Variants in RARB observed in about 807,000 individuals in gnomAD.
RARB encodes retinoic acid receptor beta.
A neutral mutation model predicts 51.9 loss-of-function variants in RARB; 17 were observed. The ratio of observed to expected loss-of-function variants is 0.33; its 90% CI spans 0.22 to 0.49. RARB has a LOEUF of 0.49. Among genes scored for constraint, RARB ranks in the 20% least tolerant of loss-of-function variants. The pLI, the probability that RARB is intolerant of heterozygous loss-of-function variation, is 0.99. For missense variants in RARB, 369 were observed against 550.8 expected (o/e 0.67, Z 3.30); for synonymous variants, 215 against 195.4 (o/e 1.10, Z -0.84).
At chr3:25,287,532 G>T (rs571981783) in intron 5 of RARB, among the ~76,000 whole-genome samples, 1 of 152,226 alleles carries the variant, frequency 6.6e-6, no homozygotes, top group East Asian at 1.9e-4. Context: ...ATCCTATCCT[G>T]GTCCACACAC....
intron 5 of RARB, among the ~76,000 whole-genome samples, chr3:25,262,663 T>G (rs942877957): frequency 6.6e-6 from 1 of 152,190 alleles, no homozygotes; most frequent in Admixed American, 6.6e-5. Flanking sequence ...CTTTCCTCTT[T>G]CACTTTTGAA....
At chr3:25,279,383 T>C (rs1199912631) in intron 5 of RARB, among the ~76,000 whole-genome samples, 1 of 152,190 alleles carries the variant, frequency 6.6e-6, no homozygotes, top group African/African-American at 2.4e-5. Flanking sequence ...TTAAGCATAA[T>C]GGGTGCTTAA....
chr3:25,292,964 G>A (rs28620746), intron 5 of RARB, among the ~76,000 whole-genome samples: 30 of 152,192 alleles, frequency 2.0e-4, no homozygotes, highest in South Asian at 4.2e-4. Context: ...TGTGTTCTCC[G>A]CGAGAGCCAA....
intron 5 of RARB, among the ~76,000 whole-genome samples, chr3:25,303,204 A>G (rs1704081426): frequency 6.6e-6 from 1 of 152,148 alleles, no homozygotes; most frequent in East Asian, 1.9e-4. Context: ...GGGAGGTATT[A>G]TTGTCTCCAT....
intron 1 of RARB, among the ~76,000 whole-genome samples, chr3:25,442,241 T>C (rs1708727439): frequency 6.6e-6 from 1 of 152,120 alleles, no homozygotes; most frequent in African/African-American, 2.4e-5. Context: ...GTTCAAGCCA[T>C]TCTCCTGCTT....
At chr3:25,037,518 A>G (rs1006193381) in intron 2 of RARB, among the ~76,000 whole-genome samples, 3 of 152,080 alleles carry the variant, frequency 2.0e-5, no homozygotes, top group Non-Finnish European at 4.4e-5. Context: ...ATTTTTAAGG[A>G]GGTGAATGGA....
intron 2 of RARB, among the ~76,000 whole-genome samples, chr3:24,988,602 G>C (rs1382728240): frequency 1.3e-5 from 2 of 151,956 alleles, no homozygotes; most frequent in Non-Finnish European, 2.9e-5. Context: ...AAAAAAAATA[G>C]TTTTGGTTCT....
At chr3:25,412,626 TAAAAC>T in intron 5 of RARB, among the ~76,000 whole-genome samples, 1 of 152,306 alleles carries the variant, frequency 6.6e-6, no homozygotes, top group South Asian at 2.1e-4. Context: ...TTTATTGAAA[TAAAAC>T]ATTTATAGAA....
intron 2 of RARB, among the ~76,000 whole-genome samples, chr3:24,863,313 C>T (rs182371640): frequency 6.6e-6 from 1 of 152,148 alleles, no homozygotes; most frequent in Non-Finnish European, 1.5e-5. Context: ...TGTTTATAAC[C>T]AGAGGAATTC....
At chr3:25,013,556 A>C (rs1559433686) in intron 2 of RARB, among the ~76,000 whole-genome samples, 1 of 152,058 alleles carries the variant, frequency 6.6e-6, no homozygotes, top group Non-Finnish European at 1.5e-5. Context: ...CTGACCTCTG[A>C]TTTGAACCCT....
At chr3:25,349,531 A>G (rs1365563834) in intron 5 of RARB, among the ~76,000 whole-genome samples, 1 of 152,198 alleles carries the variant, frequency 6.6e-6, no homozygotes, top group South Asian at 2.1e-4. Flanking sequence ...TGTCCTCCTA[A>G]TCCAGGCATC....
chr3:25,330,748 T>C (rs1704867175), intron 5 of RARB, among the ~76,000 whole-genome samples: 1 of 152,112 alleles, frequency 6.6e-6, no homozygotes, highest in Admixed American at 6.5e-5. Flanking sequence ...GACCCATCAG[T>C]GTGCTGTATT....
At chr3:24,889,121 C>A (rs1442381529) in intron 2 of RARB, among the ~76,000 whole-genome samples, 2 of 152,144 alleles carry the variant, frequency 1.3e-5, no homozygotes, top group Non-Finnish European at 1.5e-5. Context: ...ATGGATCCAG[C>A]CCACCAAATG....
chr3:25,252,937 A>C (rs1474999039), intron 5 of RARB, among the ~76,000 whole-genome samples: 4 of 152,096 alleles, frequency 2.6e-5, no homozygotes, highest in Non-Finnish European at 5.9e-5. Flanking sequence ...GTTGAGCCCA[A>C]CTGAGCAGAG....
chr3:25,593,165 C>CTT (rs200612408), intron 5 of RARB, among the ~76,000 whole-genome samples: 2,683 of 145,036 alleles, frequency 0.018, 36 homozygotes, highest in Middle Eastern at 0.046. Context: ...TCTTATTCAT[C>CTT]TTTTTTTTTT....
At chr3:25,051,591 C>T (rs1051491921) in intron 2 of RARB, among the ~76,000 whole-genome samples, 1 of 76,338 alleles carries the variant, frequency 1.3e-5, no homozygotes, top group African/African-American at 4.0e-5. Context: ...AAAAATAAGA[C>T]TACACATTCA....
intron 2 of RARB, among the ~76,000 whole-genome samples, chr3:25,466,512 A>AT (rs1695440211): frequency 1.3e-5 from 2 of 152,346 alleles, no homozygotes; most frequent in Admixed American, 6.5e-5. Context: ...TTGTTTTATC[A>AT]TTAAGTTATT....
chr3:25,394,946 T>C (rs1707076037), intron 5 of RARB, among the ~76,000 whole-genome samples: 1 of 152,208 alleles, frequency 6.6e-6, no homozygotes, highest in Non-Finnish European at 1.5e-5. Flanking sequence ...ATTGTGCTAG[T>C]TGTTGCCTGA....
intron 2 of RARB, among the ~76,000 whole-genome samples, chr3:24,918,361 C>T (rs1054707589): frequency 1.3e-5 from 2 of 152,078 alleles, no homozygotes; most frequent in Non-Finnish European, 2.9e-5. Context: ...CTAGAAAATG[C>T]AGATCTATAG....
Sources: allele counts gnomAD v4.1 joint callset (sites outside exome capture counted in the v4.1 genomes callset), GRCh38; gene constraint gnomAD v4.1.1; transcripts MANE v1.5; gene names NCBI Gene and HGNC (gene_info 2026-07-23, HGNC 2026-07-21).